KCNH5: variants seen among roughly 807,000 people sequenced by gnomAD.
KCNH5 encodes voltage-gated delayed rectifier potassium channel KCNH5.
A neutral mutation model predicts 96.1 loss-of-function variants in KCNH5; 46 were observed. The ratio of observed to expected loss-of-function variants is 0.48; its 90% CI spans 0.38 to 0.61. KCNH5 has a LOEUF of 0.61. Ranked by LOEUF, KCNH5 falls within the 20% of genes least tolerant of loss-of-function variation. The pLI is 0.00. For synonymous variants in KCNH5, 439 were observed against 449.8 expected (o/e 0.98, Z 0.30); for missense variants, 907 against 1,225.8 (o/e 0.74, Z 3.88).
intron 7 of KCNH5, among the ~76,000 whole-genome samples, chr14:62,867,963 G>C (rs922825803): frequency 2.0e-5 from 3 of 152,190 alleles, no homozygotes; most frequent in African/African-American, 7.2e-5. Context: ...ACCCCTACCT[G>C]ACATTGGATT....
chr14:62,964,275 A>G (rs1434472645), intron 6 of KCNH5, among the ~76,000 whole-genome samples: 1 of 152,036 alleles, frequency 6.6e-6, no homozygotes, highest in East Asian at 1.9e-4. Context: ...CCATCCTTAT[A>G]CTAAATCTTC....
Position 62,708,071 on chromosome 14 carries a change from T to G in KCNH5, c.2404A>C (p.Arg802=), listed in dbSNP as rs868289080. Residue 802 remains arginine (R), a synonymous_variant, in exon 11 of 11, where the codon AGA becomes CGA. Transcript: ENST00000322893. The part of the protein sequence containing the change: ...QKCLKVNSPI[R]MKNGNGKGWL... ...CCTTTTCCATTTCCATTCTTCATTC[T>G]TATTGGGCTGTTGACTTTGAGACAT... is the stretch of plus-strand genomic sequence containing the variant. The G allele has an allele frequency of 3.1e-6, 5 of 1,614,268 alleles. No individual in the cohort carries two copies. Among genetic ancestry groups the G allele is most frequent in the Non-Finnish European group, 4.2e-6 (5 of 1,180,050 alleles).
intron 7 of KCNH5, among the ~76,000 whole-genome samples, chr14:62,939,649 A>G (rs1259038573): frequency 6.6e-6 from 1 of 152,180 alleles, no homozygotes; most frequent in African/African-American, 2.4e-5. Flanking sequence ...TTAAAGTTTC[A>G]GGAAGCTTGG....
At chr14:62,985,548 G>C (rs576312057) in intron 5 of KCNH5, among the ~76,000 whole-genome samples, 1 of 152,274 alleles carries the variant, frequency 6.6e-6, no homozygotes, top group African/African-American at 2.4e-5. Flanking sequence ...TGCAAACGTA[G>C]TGCTCAGCAT....
chr14:62,829,813 G>A (rs1887305738), intron 8 of KCNH5, among the ~76,000 whole-genome samples: 1 of 152,184 alleles, frequency 6.6e-6, no homozygotes, highest in Non-Finnish European at 1.5e-5. Context: ...CTGAAGGCTT[G>A]AATTTCCTCC....
At chr14:62,830,120 A>T (rs764959539) in intron 8 of KCNH5, among the ~76,000 whole-genome samples, 3 of 152,150 alleles carry the variant, frequency 2.0e-5, no homozygotes, top group Non-Finnish European at 4.4e-5. Flanking sequence ...CCTTTACTCC[A>T]GTTCCCAATA....
intron 7 of KCNH5, among the ~76,000 whole-genome samples, chr14:62,926,737 C>T (rs565198215): frequency 7.3e-4 from 111 of 152,212 alleles, no homozygotes; most frequent in African/African-American, 2.6e-3. Context: ...CAGGGCTCCA[C>T]TCTCATTTAA....
intron 7 of KCNH5, among the ~76,000 whole-genome samples, chr14:62,945,250 T>C (rs1566717166): frequency 6.6e-6 from 1 of 152,064 alleles, no homozygotes; most frequent in Non-Finnish European, 1.5e-5. Flanking sequence ...CTTATATCGA[T>C]AGGCCGATAA....
intron 1 of KCNH5, among the ~76,000 whole-genome samples, chr14:63,037,313 T>C (rs1044512085): frequency 4.6e-5 from 7 of 152,142 alleles, no homozygotes; most frequent in African/African-American, 1.7e-4. Context: ...GCACATGCCC[T>C]CCACAGAAAA....
intron 6 of KCNH5, among the ~76,000 whole-genome samples, chr14:62,975,233 C>T (rs990298123): frequency 6.6e-6 from 1 of 152,028 alleles, no homozygotes; most frequent in African/African-American, 2.4e-5. Flanking sequence ...TATTAAGGCG[C>T]ATACATATAC....
chr14:62,872,036 T>A (rs1312770212), intron 7 of KCNH5, among the ~76,000 whole-genome samples: 1 of 152,172 alleles, frequency 6.6e-6, no homozygotes, highest in Non-Finnish European at 1.5e-5. Context: ...CTCCCTTCAA[T>A]GGGAATTTTC....
chr14:62,778,660 C>T (rs1034030463), intron 10 of KCNH5, among the ~76,000 whole-genome samples: 1 of 152,226 alleles, frequency 6.6e-6, no homozygotes, highest in East Asian at 1.9e-4. Flanking sequence ...ATTGAGCATA[C>T]GTACTCTGTG....
intron 10 of KCNH5, among the ~76,000 whole-genome samples, chr14:62,766,643 CATAATT>C (rs1338268242): frequency 6.6e-6 from 1 of 151,974 alleles, no homozygotes; most frequent in African/African-American, 2.4e-5. Context: ...TAATTGAACT[CATAATT>C]ATAGGGAGTA....
At chr14:62,876,367 G>T (rs1414370004) in intron 7 of KCNH5, among the ~76,000 whole-genome samples, 1 of 152,130 alleles carries the variant, frequency 6.6e-6, no homozygotes, top group African/African-American at 2.4e-5. Flanking sequence ...GTGCAATAAT[G>T]CAGGAAAAAG....
intron 10 of KCNH5, among the ~76,000 whole-genome samples, chr14:62,724,975 C>T: frequency 6.6e-6 from 1 of 152,202 alleles, no homozygotes; most frequent in Non-Finnish European, 1.5e-5. Context: ...ACACCTTGAG[C>T]TGTCATCATT....
intron 1 of KCNH5, among the ~76,000 whole-genome samples, chr14:63,039,298 A>G (rs1252219472): frequency 1.3e-5 from 2 of 152,106 alleles, no homozygotes; most frequent in Non-Finnish European, 2.9e-5. Context: ...TTAATAATTT[A>G]AAAAACTTTG....
intron 8 of KCNH5, among the ~76,000 whole-genome samples, chr14:62,847,397 A>T (rs879878500): frequency 1.3e-5 from 2 of 152,054 alleles, no homozygotes; most frequent in Non-Finnish European, 2.9e-5. Context: ...AATTTGGCAG[A>T]TGTCTTTCCT....
chr14:62,911,420 T>G (rs777582165), intron 7 of KCNH5, among the ~76,000 whole-genome samples: 11 of 151,804 alleles, frequency 7.2e-5, no homozygotes, highest in Non-Finnish European at 8.8e-5. Context: ...CTGGGAAAAT[T>G]CAACATAATC....
intron 7 of KCNH5, among the ~76,000 whole-genome samples, chr14:62,907,872 A>T (rs1324068668): frequency 3.3e-5 from 5 of 152,144 alleles, no homozygotes; most frequent in Admixed American, 3.3e-4. Flanking sequence ...TTAGTGGATC[A>T]ACCAATAGTC....
Sources: allele counts gnomAD v4.1 joint callset (sites outside exome capture counted in the v4.1 genomes callset), GRCh38; gene constraint gnomAD v4.1.1; transcripts MANE v1.5; gene names NCBI Gene and HGNC (gene_info 2026-07-23, HGNC 2026-07-21).